Variants in PTPRN2 observed in about 807,000 individuals in gnomAD.
PTPRN2 encodes protein tyrosine phosphatase receptor type N2.
Under a neutral mutation model 118.8 loss-of-function variants are expected in PTPRN2, and 74 were observed. The observed-to-expected ratio is 0.62, with a 90% CI of 0.52 to 0.76. The LOEUF (loss-of-function observed/expected upper bound fraction) is 0.76. Among genes scored for constraint, PTPRN2 ranks in the 30% least tolerant of loss-of-function variants. The pLI is 0.00. For missense variants in PTPRN2, 1,481 were observed against 1,394.4 expected, an observed-to-expected ratio of 1.06 and a Z score of -0.99; for synonymous variants, 641 against 608.0, an observed-to-expected ratio of 1.05 and a Z score of -0.80.
chr7:158,309,367 G>A (rs761096334), intron 3 of PTPRN2, among the ~76,000 whole-genome samples: 15 of 97,938 alleles, frequency 1.5e-4, no homozygotes, highest in South Asian at 3.5e-4. Context: ...ACTCCCCTGC[G>A]GGATGCTTCC....
rs73520535 is a variant in PTPRN2 at position 158,246,029 on chromosome 7, G to A, written c.278-40756C>T. 9.5e-3 allele frequency among the ~76,000 whole-genome samples: 1,442 copies of A among 152,032 alleles called. 37 individuals carry two copies. The highest frequency in any genetic ancestry group is 0.032 in the African/African-American group (1,342 of 41,382). On this transcript the variant is annotated intron_variant, in intron 3 of 22. Transcript: ENST00000389418. Reference sequence around the variant, plus strand: ...CCGTCAGGGTGCCCTCCCCACCTGCGACAATAAACACCGCATGATGTTACC... The same window carrying A: ...CCGTCAGGGTGCCCTCCCCACCTGCAACAATAAACACCGCATGATGTTACC...
chr7:158,193,639 G>T (rs892132294), intron 4 of PTPRN2, among the ~76,000 whole-genome samples: 2 of 152,010 alleles, frequency 1.3e-5, no homozygotes, highest in African/African-American at 4.8e-5. Context: ...GACACGATGG[G>T]CATGGCCTCC....
intron 6 of PTPRN2, among the ~76,000 whole-genome samples, chr7:158,159,408 T>G (rs1340088914): frequency 1.3e-5 from 2 of 152,118 alleles, no homozygotes; most frequent in Non-Finnish European, 2.9e-5. Context: ...CAAGCGATAG[T>G]ATAATAAGAC....
At chr7:157,878,413 G>C (rs892560004) in intron 12 of PTPRN2, among the ~76,000 whole-genome samples, 2 of 149,328 alleles carry the variant, frequency 1.3e-5, no homozygotes, top group African/African-American at 5.0e-5. Flanking sequence ...GGAAGGGTCA[G>C]TGTGATACCG....
intron 2 of PTPRN2, among the ~76,000 whole-genome samples, chr7:158,365,240 C>A (rs1353814496): frequency 6.6e-6 from 1 of 152,224 alleles, no homozygotes; most frequent in African/African-American, 2.4e-5. Flanking sequence ...AAGTCTCCAT[C>A]GCGTTGGACG....
At chr7:158,444,072 G>A (rs1817564467) in intron 2 of PTPRN2, among the ~76,000 whole-genome samples, 1 of 152,240 alleles carries the variant, frequency 6.6e-6, no homozygotes, top group Non-Finnish European at 1.5e-5. Context: ...ACTGCACGGG[G>A]AGGTGCTAGA....
intron 11 of PTPRN2, among the ~76,000 whole-genome samples, chr7:158,036,636 C>T (rs1378865750): frequency 1.3e-5 from 2 of 152,118 alleles, no homozygotes; most frequent in Non-Finnish European, 2.9e-5. Flanking sequence ...CCATGTAATT[C>T]ACTTTACTAA....
chr7:157,945,654 A>G (rs532873366), intron 11 of PTPRN2, among the ~76,000 whole-genome samples: 1 of 151,212 alleles, frequency 6.6e-6, no homozygotes, highest in East Asian at 2.0e-4. Context: ...AAGTCAGACG[A>G]TGCCGCCTCC....
rs1240846916 is a variant in PTPRN2 at position 157,801,393 on chromosome 7, G to A, written c.1788+97280C>T. ...GAGCTGTCGAGGTTTATTTATTCAC[G>A]GAGAGGCTCTGCATCACGAGAGTGC... On this transcript the variant is annotated intron_variant, in intron 12 of 22. Transcript: ENST00000389418. The surrounding 1 kb of genome is among the most constrained non-coding windows in gnomAD (Gnocchi z 4.2). Among the ~76,000 whole-genome samples the A allele has an allele frequency of 1.3e-5, 2 of 152,110 alleles. No homozygotes were observed. The highest frequency in any genetic ancestry group is 1.9e-4 in the East Asian group (1 of 5,186).
intron 1 of PTPRN2, among the ~76,000 whole-genome samples, chr7:158,550,560 A>G (rs1005352960): frequency 6.6e-6 from 1 of 152,158 alleles, no homozygotes; most frequent in Non-Finnish European, 1.5e-5. Flanking sequence ...AATGACTGAG[A>G]ACACAGGCCT....
At chr7:157,705,955 C>T (rs1017018610) in intron 12 of PTPRN2, among the ~76,000 whole-genome samples, 10 of 152,118 alleles carry the variant, frequency 6.6e-5, no homozygotes, top group African/African-American at 1.9e-4. Flanking sequence ...GTGAATCTGA[C>T]GCCAGTGCCT....
chr7:157,940,041 G>A (rs926581579), intron 11 of PTPRN2, among the ~76,000 whole-genome samples: 2 of 152,180 alleles, frequency 1.3e-5, no homozygotes, highest in Non-Finnish European at 2.9e-5. Flanking sequence ...GGAAGGCGTC[G>A]CTGCATGGGC....
intron 12 of PTPRN2, among the ~76,000 whole-genome samples, chr7:157,721,474 C>G (rs1190999586): frequency 6.6e-6 from 1 of 152,256 alleles, no homozygotes; most frequent in Admixed American, 6.5e-5. Context: ...AGCATCTCCA[C>G]ACGTCGAGAG....
At chr7:157,822,177 C>A (rs1204252475) in intron 12 of PTPRN2, among the ~76,000 whole-genome samples, 2 of 152,020 alleles carry the variant, frequency 1.3e-5, no homozygotes, top group African/African-American at 4.8e-5. Context: ...CACTATCCAT[C>A]ATCCATCCAA....
intron 12 of PTPRN2, chr7:157,864,430 T>C (rs1014195605): frequency 6.6e-6 from 1 of 152,224 alleles, no homozygotes; most frequent in Non-Finnish European, 1.5e-5. Context: ...TAGGCAGATG[T>C]TCCTCCCGGG....
rs908409465 is a variant in PTPRN2, at chr7:157,622,751, T to C, written c.2197-1242A>G. 1.3e-5 allele frequency among the ~76,000 whole-genome samples: 2 copies of C among 152,162 alleles called. No homozygotes were observed. The highest frequency in any genetic ancestry group is 4.8e-5 in the African/African-American group (2 of 41,436). On this transcript the variant is annotated intron_variant, in intron 14 of 22. Coordinates refer to ENST00000389418, the MANE Select transcript of PTPRN2 (RefSeq NM_002847.5). The surrounding 1 kb of genome is among the most constrained non-coding windows in gnomAD (Gnocchi z 5.3). ...CAATCGCCTGGCTCAGGGTGGGCAC[T>C]CTAAGGCCGTCTGTTGGGAGGTCCC...
intron 3 of PTPRN2, among the ~76,000 whole-genome samples, chr7:158,265,801 C>G (rs991377274): frequency 6.6e-6 from 1 of 152,184 alleles, no homozygotes; most frequent in Non-Finnish European, 1.5e-5. Flanking sequence ...GGCCAGAGGC[C>G]GCCTGGCTCC....
intron 2 of PTPRN2, among the ~76,000 whole-genome samples, chr7:158,383,374 A>G (rs919939236): frequency 3.3e-5 from 5 of 152,214 alleles, no homozygotes; most frequent in Admixed American, 2.0e-4. Context: ...TGCACATAAT[A>G]TCATCCCTAT....
intron 12 of PTPRN2, among the ~76,000 whole-genome samples, chr7:157,821,428 A>T (rs926684988): frequency 6.6e-6 from 1 of 152,192 alleles, no homozygotes; most frequent in Non-Finnish European, 1.5e-5. Context: ...GTCCTGAGGA[A>T]CCCAGCATTT....
Sources: allele counts gnomAD v4.1 joint callset (sites outside exome capture counted in the v4.1 genomes callset), GRCh38; gene constraint gnomAD v4.1.1; non-coding constraint Gnocchi (gnomAD v3.1); transcripts MANE v1.5; gene names NCBI Gene and HGNC (gene_info 2026-07-23, HGNC 2026-07-21).